JARID2: variants seen among roughly 807,000 people sequenced by gnomAD.
JARID2 encodes the protein jumonji and AT-rich interaction domain containing 2.
Under a neutral mutation model 125.6 loss-of-function variants are expected in JARID2, and 21 were observed. That is an observed-to-expected ratio of 0.17 (90% confidence interval 0.12 to 0.24). The LOEUF is 0.24. JARID2 is among the 10% of genes least tolerant of loss of function. JARID2 has a pLI of 1.00. For synonymous variants in JARID2, 736 were observed against 661.6 expected, an observed-to-expected ratio of 1.11 and a Z score of -1.73; for missense variants, 1,303 against 1,639.6, an observed-to-expected ratio of 0.79 and a Z score of 3.55.
chr6:15,313,974 G>C (rs527566143), intron 1 of JARID2, among the ~76,000 whole-genome samples: 1 of 152,128 alleles, frequency 6.6e-6, no homozygotes, highest in Non-Finnish European at 1.5e-5. Flanking sequence ...TGGAGGTGCT[G>C]CTTTTGTTTT....
chr6:15,497,208 C>G (rs1225427556), intron 7 of JARID2, 38 bp downstream of exon 7: 4 of 1,443,152 alleles, frequency 2.8e-6, no homozygotes, highest in Non-Finnish European at 3.8e-6. Flanking sequence ...GGTGCCTGCC[C>G]TCCTGCCCCC....
intron 8 of JARID2, 140 bp from the exon 9 acceptor site, chr6:15,504,360 C>A: frequency 1.6e-6 from 1 of 639,258 alleles, no homozygotes. Context: ...TCCTTCTCTG[C>A]CTGTCATTAA....
chr6:15,305,378 A>C (rs1761783061), intron 1 of JARID2, among the ~76,000 whole-genome samples: 1 of 151,822 alleles, frequency 6.6e-6, no homozygotes, highest in Non-Finnish European at 1.5e-5. Flanking sequence ...TAATTCTGTC[A>C]CTCCACTTTG....
intron 2 of JARID2, among the ~76,000 whole-genome samples, chr6:15,408,001 T>C (rs1156682681): frequency 6.6e-6 from 1 of 152,204 alleles, no homozygotes; most frequent in Admixed American, 6.5e-5. Context: ...CAGTAACTCA[T>C]GCCTGTAATC....
intron 2 of JARID2, among the ~76,000 whole-genome samples, chr6:15,379,901 A>C (rs1581478684): frequency 6.6e-6 from 1 of 152,192 alleles, no homozygotes; most frequent in African/African-American, 2.4e-5. Flanking sequence ...GCCACCACTT[A>C]GATAAGGAGA....
At chr6:15,424,907 A>G (rs1766658417) in intron 3 of JARID2, among the ~76,000 whole-genome samples, 1 of 152,186 alleles carries the variant, frequency 6.6e-6, no homozygotes, top group African/African-American at 2.4e-5. Flanking sequence ...AAACACTTAC[A>G]TAGCATTTAT....
At chr6:15,495,793 G>A (rs1770385881) in intron 6 of JARID2, among the ~76,000 whole-genome samples, 1 of 152,192 alleles carries the variant, frequency 6.6e-6, no homozygotes, top group Admixed American at 6.5e-5. Context: ...GGCACGTGGG[G>A]AGGTCTTCAT....
intron 2 of JARID2, among the ~76,000 whole-genome samples, chr6:15,393,477 C>CAGAACTTCTGTG (rs1765102435): frequency 1.3e-5 from 2 of 152,214 alleles, no homozygotes; most frequent in African/African-American, 4.8e-5. Context: ...GTTGACACAG[C>CAGAACTTCTGTG]CAGTTTCCCT....
chr6:15,342,391 A>G (rs1763098340), intron 1 of JARID2, among the ~76,000 whole-genome samples: 1 of 152,192 alleles, frequency 6.6e-6, no homozygotes, highest in African/African-American at 2.4e-5. Flanking sequence ...GGCAGAGCAG[A>G]CACTAAATAC....
At chr6:15,367,906 A>G (rs1189286809) in intron 1 of JARID2, among the ~76,000 whole-genome samples, 1 of 152,056 alleles carries the variant, frequency 6.6e-6, no homozygotes, top group East Asian at 1.9e-4. Flanking sequence ...TGCGAGCTTT[A>G]CTGACCTGGA....
chr6:15,303,541 C>G (rs545110740), intron 1 of JARID2, among the ~76,000 whole-genome samples: 1 of 152,336 alleles, frequency 6.6e-6, no homozygotes, highest in South Asian at 2.1e-4. Flanking sequence ...CATTTTTGTT[C>G]ATAGGCTTTC....
chr6:15,355,287 C>G (rs1758925190), intron 1 of JARID2, among the ~76,000 whole-genome samples: 1 of 152,104 alleles, frequency 6.6e-6, no homozygotes, highest in African/African-American at 2.4e-5. Context: ...AAAATGCAAG[C>G]TGATATTTTG....
rs1770899680 is a variant in JARID2 at position 15,504,490 on chromosome 6, T to C, written c.2449-10T>C. Reference sequence around the variant, plus strand: ...CTTCTGAAGCTTTACTGTTTTTTGTTTTGTTTCAGGGAAGGTCTGTTTCTC... The same window carrying C: ...CTTCTGAAGCTTTACTGTTTTTTGTCTTGTTTCAGGGAAGGTCTGTTTCTC... On this transcript the variant is annotated splice_polypyrimidine_tract_variant and intron_variant, in intron 8 of 17. Transcript: ENST00000341776. 2.5e-6 allele frequency: 4 copies of C among 1,604,788 alleles called. No individual in the cohort carries two copies. The East Asian group carries it at 8.9e-5, about 36-fold the overall frequency.
chr6:15,452,841 G>C (rs1767982911), intron 4 of JARID2, among the ~76,000 whole-genome samples: 1 of 152,202 alleles, frequency 6.6e-6, no homozygotes, highest in South Asian at 2.1e-4. Flanking sequence ...GAGAGAATAA[G>C]GAGTCATTTC....
At chr6:15,263,056 C>T (rs976416266) in intron 1 of JARID2, among the ~76,000 whole-genome samples, 1 of 149,018 alleles carries the variant, frequency 6.7e-6, no homozygotes, top group African/African-American at 2.5e-5. Flanking sequence ...TCTAGCTTGC[C>T]CTTTGGAGGG....
intron 1 of JARID2, among the ~76,000 whole-genome samples, chr6:15,323,694 A>G (rs1171659039): frequency 1.3e-5 from 2 of 151,902 alleles, no homozygotes; most frequent in East Asian, 1.9e-4. Flanking sequence ...GGGAGGCCGA[A>G]GCAGGCAGAT....
In JARID2 at chr6:15,369,443, C is replaced by T. The variant is rs892371841; in HGVS notation, c.46-4674C>T. On this transcript the variant is annotated intron_variant, in intron 1 of 17. Coordinates refer to ENST00000341776, the MANE Select transcript of JARID2 (RefSeq NM_004973.4). The stretch of plus-strand genomic sequence containing the variant: ...GAGCCATCACTTCTCCTCTAAAGGG[C>T]GTATTCCTGTGTCCTCTATATTAAG... 4.9e-5 allele frequency: 15 copies of T among 304,772 alleles called. 1 individual carries two copies. Among genetic ancestry groups the T allele is most frequent in the Non-Finnish European group, 6.2e-5 (9 of 145,492 alleles). 18.9% of individuals were successfully genotyped at this position (304,772 alleles called of 1,614,324 possible).
chr6:15,390,941 A>G (rs1465416078), intron 2 of JARID2, among the ~76,000 whole-genome samples: 3 of 152,198 alleles, frequency 2.0e-5, no homozygotes, highest in Non-Finnish European at 4.4e-5. Context: ...AGAAAATGGG[A>G]TACTAATTTT....
chr6:15,460,848 A>T (rs1324598157), intron 4 of JARID2, among the ~76,000 whole-genome samples: 1 of 152,118 alleles, frequency 6.6e-6, no homozygotes, highest in Non-Finnish European at 1.5e-5. Flanking sequence ...GGGAATACAG[A>T]CGTGCCCCAC....
Sources: gnomAD v4.1 joint callset for allele counts (sites outside exome capture counted in the v4.1 genomes callset) on GRCh38, gnomAD v4.1.1 for gene constraint, MANE v1.5 for transcripts, NCBI Gene and HGNC (gene_info 2026-07-23, HGNC 2026-07-21) for gene names.